Variants in IL1RAP observed in about 807,000 individuals in gnomAD.
IL1RAP encodes interleukin-1 receptor accessory protein.
In IL1RAP, 35 loss-of-function variants were observed where a neutral mutation model predicts 60.7. That is an observed-to-expected ratio of 0.58 (90% CI 0.44 to 0.76). IL1RAP has a LOEUF of 0.76. Among genes scored for constraint, IL1RAP ranks in the 30% least tolerant of loss-of-function variants. The pLI, the probability that IL1RAP is intolerant of heterozygous loss-of-function variation, is 0.00. For missense variants in IL1RAP, 572 were observed against 693.9 expected, an observed-to-expected ratio of 0.82 and a Z score of 1.97; for synonymous variants, 268 against 250.9, an observed-to-expected ratio of 1.07 and a Z score of -0.64.
chr3:190,617,095 T>A (rs767599421), intron 5 of IL1RAP, among the ~76,000 whole-genome samples: 3 of 152,224 alleles, frequency 2.0e-5, no homozygotes, highest in African/African-American at 7.2e-5. Context: ...AATATTCTTA[T>A]CATTTAAGAA....
intron 5 of IL1RAP, among the ~76,000 whole-genome samples, chr3:190,619,110 G>A (rs1045259435): frequency 1.3e-5 from 2 of 152,162 alleles, no homozygotes; most frequent in African/African-American, 4.8e-5. Context: ...TTTGTCATAG[G>A]TGACTTATTG....
chr3:190,588,784 C>T (rs927841947), intron 3 of IL1RAP, among the ~76,000 whole-genome samples: 6 of 152,072 alleles, frequency 3.9e-5, no homozygotes, highest in African/African-American at 7.2e-5. Flanking sequence ...TCCCAATAAA[C>T]GTATGAGGCA....
intron 3 of IL1RAP, among the ~76,000 whole-genome samples, chr3:190,575,961 A>G (rs1323284116): frequency 4.6e-5 from 7 of 152,178 alleles, no homozygotes; most frequent in Non-Finnish European, 7.3e-5. Flanking sequence ...GAATCCAGAA[A>G]AGAAAGGAAG....
At chr3:190,524,481 T>C (rs950066883) in intron 1 of IL1RAP, among the ~76,000 whole-genome samples, 6 of 152,206 alleles carry the variant, frequency 3.9e-5, no homozygotes, top group African/African-American at 1.4e-4. Flanking sequence ...TTTAAGTCTT[T>C]AATCCATCCT....
chr3:190,524,654 A>G (rs139543502), intron 1 of IL1RAP, among the ~76,000 whole-genome samples: 27 of 152,288 alleles, frequency 1.8e-4, no homozygotes, highest in Non-Finnish European at 1.5e-4. Flanking sequence ...GGACAGGGAC[A>G]CTTGATTTGC....
At chr3:190,595,707 G>T (rs777506226) in intron 3 of IL1RAP, among the ~76,000 whole-genome samples, 1 of 152,134 alleles carries the variant, frequency 6.6e-6, no homozygotes, top group Non-Finnish European at 1.5e-5. Flanking sequence ...TGTAAAAGGG[G>T]ACTGGTTCTG....
At chr3:190,645,202 T>A (rs1044218306) in intron 10 of IL1RAP, among the ~76,000 whole-genome samples, 17 of 152,342 alleles carry the variant, frequency 1.1e-4, no homozygotes, top group African/African-American at 4.1e-4. Context: ...GAATCGATAG[T>A]TTTTAATGAG....
chr3:190,612,361 C>T (rs966958314), intron 5 of IL1RAP, among the ~76,000 whole-genome samples: 5 of 151,998 alleles, frequency 3.3e-5, no homozygotes, highest in African/African-American at 7.2e-5. Context: ...GTTTTAATCT[C>T]GAACCTTATT....
intron 5 of IL1RAP, chr3:190,615,205 C>A: frequency 1.8e-6 from 1 of 564,574 alleles, no homozygotes; most frequent in Non-Finnish European, 2.9e-6. Context: ...TGTAACTAGT[C>A]TGGAAAGCAA....
At chr3:190,608,146 G>A (rs1214405753) in intron 4 of IL1RAP, among the ~76,000 whole-genome samples, 1 of 152,090 alleles carries the variant, frequency 6.6e-6, no homozygotes, top group East Asian at 1.9e-4. Context: ...GCAGAACAGG[G>A]GATATGTTCT....
At chr3:190,623,534 C>A in intron 7 of IL1RAP, 119 bp downstream of exon 7, 1 of 789,798 alleles carries the variant, frequency 1.3e-6, no homozygotes. Flanking sequence ...TGAATTGAAA[C>A]TGAAATGTCA....
chr3:190,547,111 T>C (rs1450347239), intron 1 of IL1RAP, among the ~76,000 whole-genome samples: 1 of 152,224 alleles, frequency 6.6e-6, no homozygotes, highest in African/African-American at 2.4e-5. Context: ...AGATAAGGCA[T>C]ACTTGTTGAA....
At chr3:190,647,656 A>G (rs1419123890) in intron 11 of IL1RAP, among the ~76,000 whole-genome samples, 1 of 152,178 alleles carries the variant, frequency 6.6e-6, no homozygotes, top group African/African-American at 2.4e-5. Flanking sequence ...CCAGCGATTA[A>G]TTTAGGCTCC....
chr3:190,632,209 C>T (rs1028143970), intron 9 of IL1RAP, among the ~76,000 whole-genome samples: 3 of 152,214 alleles, frequency 2.0e-5, no homozygotes, highest in Non-Finnish European at 4.4e-5. Flanking sequence ...TTTTACCTGT[C>T]CTCTAGCAAT....
At chr3:190,608,368 T>C (rs1730531499) in intron 4 of IL1RAP, among the ~76,000 whole-genome samples, 2 of 152,078 alleles carry the variant, frequency 1.3e-5, no homozygotes, top group African/African-American at 4.8e-5. Flanking sequence ...TGTCTAAATA[T>C]AGAAAAGACA....
At position 190,620,297 on chromosome 3, in the gene IL1RAP, TTAATAATG is replaced by T; in HGVS notation, c.566_573del (p.Asn189ThrfsTer16). 1 of 1,577,954 alleles carries T rather than the reference TTAATAATG, an allele frequency of 6.3e-7. No homozygotes were observed. ...TAGGGCTGTTATAAAATACAGAATT[TTAATAATG>T]TAATACCCGAAGGTATGAACTTGAG... On this transcript the variant is annotated frameshift_variant, in exon 6 of 12. Transcript: ENST00000447382. LOFTEE classifies it high-confidence loss of function.
chr3:190,556,096 T>A (rs1417852960), intron 1 of IL1RAP, 34 bp from the exon 2 acceptor site: 3 of 152,122 alleles, frequency 2.0e-5, no homozygotes, highest in Non-Finnish European at 4.4e-5. Context: ...AGTACATAAA[T>A]ATTGTGTTCA....
At chr3:190,527,684 A>ATTTTTTTTTTTTTTTTTTTT (rs58914187) in intron 1 of IL1RAP, among the ~76,000 whole-genome samples, 1 of 112,944 alleles carries the variant, frequency 8.9e-6, no homozygotes, top group East Asian at 2.6e-4. Context: ...GCTTGTTTAC[A>ATTTTTTTTTTTTTTTTTTTT]TTTTTTTTTT....
intron 1 of IL1RAP, among the ~76,000 whole-genome samples, chr3:190,538,903 A>G (rs1723695894): frequency 6.6e-6 from 1 of 152,082 alleles, no homozygotes; most frequent in African/African-American, 2.4e-5. Flanking sequence ...GTGAAGAAGG[A>G]CGTGTTTGCT....
Sources: gnomAD v4.1 joint callset for allele counts (sites outside exome capture counted in the v4.1 genomes callset) on GRCh38, gnomAD v4.1.1 for gene constraint, MANE v1.5 for transcripts, NCBI Gene and HGNC (gene_info 2026-07-23, HGNC 2026-07-21) for gene names.